Variants in SPIDR observed in about 807,000 individuals in gnomAD.
SPIDR encodes DNA repair-scaffolding protein.
Under a neutral mutation model 104.6 loss-of-function variants are expected in SPIDR, and 93 were observed. The ratio of observed to expected loss-of-function variants is 0.89; its 90% CI spans 0.75 to 1.06. SPIDR has a LOEUF of 1.06. SPIDR is among the 50% of genes least tolerant of loss of function. The pLI is 0.00. For synonymous variants in SPIDR, 431 were observed against 416.9 expected (o/e 1.03, Z -0.41); for missense variants, 1,154 against 1,111.2 (o/e 1.04, Z -0.55).
At chr8:47,416,063 G>A (rs1301495728) in intron 7 of SPIDR, among the ~76,000 whole-genome samples, 3 of 152,164 alleles carry the variant, frequency 2.0e-5, no homozygotes, top group Non-Finnish European at 2.9e-5. Context: ...GGCCAACATG[G>A]TGAAACCCTG....
intron 8 of SPIDR, among the ~76,000 whole-genome samples, chr8:47,576,091 T>C (rs1287127852): frequency 6.6e-6 from 1 of 151,530 alleles, no homozygotes; most frequent in Non-Finnish European, 1.5e-5. Flanking sequence ...AAATCGAATA[T>C]CTTTGAAGAA....
At chr8:47,675,416 G>A (rs1285560231) in intron 11 of SPIDR, among the ~76,000 whole-genome samples, 4 of 152,216 alleles carry the variant, frequency 2.6e-5, no homozygotes, top group Non-Finnish European at 5.9e-5. Context: ...TGTATTTGGG[G>A]AATGCAGTTC....
At chr8:47,544,282 A>G (rs1228691513) in intron 8 of SPIDR, among the ~76,000 whole-genome samples, 2 of 152,024 alleles carry the variant, frequency 1.3e-5, no homozygotes, top group Non-Finnish European at 2.9e-5. Flanking sequence ...GGTTCTTAAT[A>G]TATTCTGGAT....
chr8:47,567,780 C>CTTTTTTTTTTTTTTTTTTTT (rs35199139), intron 8 of SPIDR, among the ~76,000 whole-genome samples: 25 of 70,982 alleles, frequency 3.5e-4, no homozygotes, highest in African/African-American at 7.1e-4. Context: ...TTTTCTTTTT[C>CTTTTTTTTTTTTTTTTTTTT]TTTTTTTTTT....
intron 5 of SPIDR, among the ~76,000 whole-genome samples, chr8:47,355,826 G>A (rs2054431010): frequency 6.6e-6 from 1 of 152,196 alleles, no homozygotes; most frequent in African/African-American, 2.4e-5. Flanking sequence ...AATGTGCATA[G>A]ATTTCTCAGA....
intron 6 of SPIDR, among the ~76,000 whole-genome samples, 198 bp downstream of exon 6, chr8:47,396,824 T>G (rs146484624): frequency 2.0e-5 from 3 of 152,360 alleles, no homozygotes; most frequent in East Asian, 3.9e-4. Context: ...AATGGAGATT[T>G]ATTTGGGTTA....
At chr8:47,260,927 G>C (rs1191833549), upstream of SPIDR, 1 of 1,224,250 alleles carries the variant, frequency 8.2e-7, no homozygotes, top group Non-Finnish European at 1.0e-6. Flanking sequence ...GGCGCGCTGA[G>C]GAGGCGGTGC....
intron 10 of SPIDR, among the ~76,000 whole-genome samples, chr8:47,604,146 G>T (rs1008868982): frequency 1.4e-4 from 22 of 152,320 alleles, no homozygotes; most frequent in African/African-American, 5.3e-4. Context: ...AGAAAAAATA[G>T]GGCACAATGG....
intron 5 of SPIDR, among the ~76,000 whole-genome samples, chr8:47,386,872 C>G (rs73676335): frequency 1.7e-5 from 2 of 118,152 alleles, no homozygotes; most frequent in African/African-American, 3.3e-5. Context: ...AGTGGGGGGA[C>G]GAGGGGAGAG....
At chr8:47,317,540 A>G in intron 5 of SPIDR, among the ~76,000 whole-genome samples, 1 of 152,204 alleles carries the variant, frequency 6.6e-6, no homozygotes, top group South Asian at 2.1e-4. Flanking sequence ...GGAATAACCA[A>G]GCAAAAGGCA....
At chr8:47,392,801 C>T (rs1554653207) in intron 5 of SPIDR, among the ~76,000 whole-genome samples, 1 of 152,200 alleles carries the variant, frequency 6.6e-6, no homozygotes, top group Non-Finnish European at 1.5e-5. Flanking sequence ...CCTATCCAAA[C>T]TTTCTAAAAC....
intron 8 of SPIDR, among the ~76,000 whole-genome samples, chr8:47,575,396 C>A (rs1160978448): frequency 6.6e-6 from 1 of 152,040 alleles, no homozygotes; most frequent in African/African-American, 2.4e-5. Context: ...GTAATCCCAG[C>A]ACTTTGGGAG....
chr8:47,301,175 T>TG (rs2042013403), intron 5 of SPIDR, among the ~76,000 whole-genome samples: 2 of 152,230 alleles, frequency 1.3e-5, no homozygotes, highest in Non-Finnish European at 2.9e-5. Flanking sequence ...CTCTTCTTGT[T>TG]GAATGATCCC....
In SPIDR at chr8:47,701,713, TTAAACAGA is replaced by T; in HGVS notation, c.1774-3_1778del. ...CATTCACCTTCTACCTTTGTCTCAT[TTAAACAGA>T]TAAAAACTCATCTGCCTCCTCCAGC... is the stretch of plus-strand genomic sequence containing the variant. On this transcript the variant is annotated splice_acceptor_variant and splice_polypyrimidine_tract_variant and coding_sequence_variant and intron_variant, in exon 13 of 20. Transcript: ENST00000297423. LOFTEE classifies it high-confidence loss of function. 1 of 1,613,628 alleles carries T rather than the reference TTAAACAGA, an allele frequency of 6.2e-7. No homozygotes were observed. The highest frequency in any genetic ancestry group is 8.5e-7 in the Non-Finnish European group (1 of 1,179,826).
chr8:47,328,339 G>A (rs2048051464), intron 5 of SPIDR, among the ~76,000 whole-genome samples: 2 of 151,520 alleles, frequency 1.3e-5, no homozygotes, highest in Admixed American at 1.3e-4. Flanking sequence ...GCTTACTGCA[G>A]CCTTGAACCT....
intron 3 of SPIDR, among the ~76,000 whole-genome samples, chr8:47,284,950 G>T (rs1473109175): frequency 6.6e-6 from 1 of 152,252 alleles, no homozygotes; most frequent in African/African-American, 2.4e-5. Flanking sequence ...CCCGCTGTGG[G>T]TGTGTAGGAA....
chr8:47,621,206 T>A (rs1001896407), intron 10 of SPIDR, among the ~76,000 whole-genome samples: 1 of 151,556 alleles, frequency 6.6e-6, no homozygotes, highest in Non-Finnish European at 1.5e-5. Context: ...CCGCCCACCT[T>A]GGCCTCCCAA....
chr8:47,433,318 C>A (rs574043339), intron 7 of SPIDR, among the ~76,000 whole-genome samples: 87 of 152,338 alleles, frequency 5.7e-4, no homozygotes, highest in Non-Finnish European at 9.1e-4. Context: ...CCTCTTCAGT[C>A]TGTTCTCAAC....
chr8:47,401,080 C>T (rs2061817096), intron 6 of SPIDR, among the ~76,000 whole-genome samples: 2 of 151,970 alleles, frequency 1.3e-5, no homozygotes, highest in Admixed American at 6.5e-5. Flanking sequence ...TAAGGGCAGC[C>T]AGAGAGAAAG....
Sources: allele counts gnomAD v4.1 joint callset (sites outside exome capture counted in the v4.1 genomes callset), GRCh38; gene constraint gnomAD v4.1.1; transcripts MANE v1.5; gene names NCBI Gene and HGNC (gene_info 2026-07-23, HGNC 2026-07-21).